ZMIZ1: variants seen among roughly 807,000 people sequenced by gnomAD.
ZMIZ1 encodes the protein zinc finger MIZ domain-containing protein 1.
Under a neutral mutation model 113.9 loss-of-function variants are expected in ZMIZ1, and 17 were observed. That is an observed-to-expected ratio of 0.15 (90% CI 0.10 to 0.22). The LOEUF (loss-of-function observed/expected upper bound fraction) is 0.22, where lower values mean the gene tolerates loss of function less well. Among genes scored for constraint, ZMIZ1 ranks in the 10% least tolerant of loss-of-function variants. The pLI is 1.00. For missense variants in ZMIZ1, 1,059 were observed against 1,477.8 expected (o/e 0.72, Z 4.65); for synonymous variants, 607 against 603.1 (o/e 1.01, Z -0.09).
chr10:79,084,936 G>A (rs543408553), intron 1 of ZMIZ1, among the ~76,000 whole-genome samples: 1 of 152,098 alleles, frequency 6.6e-6, no homozygotes, highest in Non-Finnish European at 1.5e-5. Flanking sequence ...GGCTCACTCT[G>A]GCCTGAACCT....
chr10:79,129,755 G>A (rs975818848), intron 2 of ZMIZ1, among the ~76,000 whole-genome samples: 1 of 152,220 alleles, frequency 6.6e-6, no homozygotes, highest in Non-Finnish European at 1.5e-5. Flanking sequence ...CTTGAAAGAG[G>A]GAGGGCAGAG....
intron 7 of ZMIZ1, among the ~76,000 whole-genome samples, chr10:79,258,628 T>C (rs1284778215): frequency 1.3e-5 from 2 of 152,222 alleles, no homozygotes; most frequent in African/African-American, 2.4e-5. Context: ...AGGGTCTCAG[T>C]TGGATGAGGC....
chr10:79,245,528 G>A (rs184394207), intron 7 of ZMIZ1, among the ~76,000 whole-genome samples: 6 of 152,258 alleles, frequency 3.9e-5, no homozygotes, highest in African/African-American at 7.2e-5. Context: ...GGACGGGGTC[G>A]GGGGGCAGAG....
chr10:79,086,120 G>T (rs1376038071), intron 1 of ZMIZ1, among the ~76,000 whole-genome samples: 1 of 152,106 alleles, frequency 6.6e-6, no homozygotes, highest in Non-Finnish European at 1.5e-5. Context: ...ATGTAATGTG[G>T]GTCTCACCTC....
At chr10:79,285,660 T>G (rs759531174) in intron 8 of ZMIZ1, 56 of 445,794 alleles carry the variant, frequency 1.3e-4, no homozygotes, top group Non-Finnish European at 2.3e-4. Context: ...GGCACATTTT[T>G]TTGTTTAGCA....
intron 1 of ZMIZ1, among the ~76,000 whole-genome samples, chr10:79,110,349 C>A (rs777506953): frequency 7.2e-5 from 11 of 152,190 alleles, no homozygotes; most frequent in Non-Finnish European, 4.4e-5. Flanking sequence ...GGTGGCCACT[C>A]GGTCTGGAAG....
chr10:79,244,042 C>CGAG (rs1268289160), intron 7 of ZMIZ1, among the ~76,000 whole-genome samples: 1 of 152,244 alleles, frequency 6.6e-6, no homozygotes, highest in African/African-American at 2.4e-5. Context: ...AGACATTTTA[C>CGAG]GAGGCTCTGT....
At chr10:79,142,420 A>AGT (rs1051594107) in intron 3 of ZMIZ1, among the ~76,000 whole-genome samples, 36 of 152,004 alleles carry the variant, frequency 2.4e-4, no homozygotes, top group African/African-American at 8.0e-4. Context: ...TAGGGGAGTG[A>AGT]GTGGATAAGG....
intron 4 of ZMIZ1, among the ~76,000 whole-genome samples, chr10:79,189,021 G>T (rs780221958): frequency 6.6e-6 from 1 of 152,208 alleles, no homozygotes; most frequent in Non-Finnish European, 1.5e-5. Flanking sequence ...AGAGCACAGT[G>T]TGGCTTTTCT....
intron 7 of ZMIZ1, among the ~76,000 whole-genome samples, chr10:79,248,488 T>C (rs1447441073): frequency 6.6e-6 from 1 of 152,150 alleles, no homozygotes; most frequent in African/African-American, 2.4e-5. Context: ...CTCCTCCTGC[T>C]TCTAGGAGCA....
Position 79,186,063 on chromosome 10 carries a change from T to C in ZMIZ1, c.-49-15521T>C, listed in dbSNP as rs2132591626. On this transcript the variant is annotated intron_variant, in intron 4 of 24. Coordinates refer to ENST00000334512, the MANE Select transcript of ZMIZ1 (RefSeq NM_020338.4). ...TGGCCAGTGTTCACTTTCAGGTCCC[T>C]GGATGTTTTTGAGGGCACTGTAGAG... Among the ~76,000 whole-genome samples the C allele has an allele frequency of 1.3e-5, 2 of 152,262 alleles. 1 individual carries two copies. Among genetic ancestry groups the C allele is most frequent in the South Asian group, 4.2e-4 (2 of 4,814 alleles).
rs1855113976 is a variant in ZMIZ1, at chr10:79,311,000, A to T, written c.2912A>T (p.Gln971Leu). 1 of 1,613,832 alleles carries T rather than the reference A, an allele frequency of 6.2e-7. No homozygotes were observed. The highest frequency in any genetic ancestry group is 2.2e-5 in the East Asian group (1 of 44,846). The change falls in exon 24 of 25, where the codon CAG becomes CTG. Residue 971 changes from glutamine (Q) to leucine (L), a missense_variant. This residue lies in a region of ZMIZ1 where 225 missense variants were observed against 276.0 expected (regional missense o/e 0.82). Coordinates refer to ENST00000334512, the MANE Select transcript of ZMIZ1 (RefSeq NM_020338.4). Reference protein sequence around the residue: ...QGLHVPHPSSQSGPPLHHSGA... With the variant: ...QGLHVPHPSSLSGPPLHHSGA... ...TTGCACGTACCACACCCCAGCAGCC[A>T]GTCAGGGCCTCCATTACATCACAGT...
At chr10:79,291,573 C>T (rs1853498502) in intron 10 of ZMIZ1, among the ~76,000 whole-genome samples, 1 of 152,258 alleles carries the variant, frequency 6.6e-6, no homozygotes, top group Admixed American at 6.5e-5. Context: ...AATATCTGCT[C>T]TGCCTTGCTG....
Position 79,115,233 on chromosome 10 carries a change from T to C in ZMIZ1, c.-336-3682T>C, listed in dbSNP as rs907924283. ...GTGGAAGGCATACTCTAGTCTAGAG[T>C]TGCTTCTGATGTTAGGCTGTGACCT... is the stretch of plus-strand genomic sequence containing the variant. On this transcript the variant is annotated intron_variant, in intron 1 of 24. Coordinates refer to ENST00000334512, the MANE Select transcript of ZMIZ1 (RefSeq NM_020338.4). Among the ~76,000 whole-genome samples, 3 of 152,092 alleles carry C rather than the reference T, an allele frequency of 2.0e-5. No homozygotes were observed. In the South Asian group the frequency reaches 6.2e-4, roughly 32 times the overall value.
At chr10:79,220,789 T>C (rs1230715150) in intron 7 of ZMIZ1, among the ~76,000 whole-genome samples, 1 of 152,092 alleles carries the variant, frequency 6.6e-6, no homozygotes, top group Non-Finnish European at 1.5e-5. Context: ...TGTATGTTTG[T>C]GTTGGGGAGA....
intron 6 of ZMIZ1, 57 bp from the exon 7 acceptor site, chr10:79,216,112 A>G (rs1848718230): frequency 3.9e-6 from 5 of 1,294,418 alleles, no homozygotes; most frequent in African/African-American, 1.5e-5. Flanking sequence ...CAAAATGGGC[A>G]TATCCATTGG....
intron 7 of ZMIZ1, among the ~76,000 whole-genome samples, chr10:79,223,567 T>C (rs1397724070): frequency 6.6e-6 from 1 of 152,218 alleles, no homozygotes; most frequent in Non-Finnish European, 1.5e-5. Flanking sequence ...CAGATCTGTT[T>C]AGTGGACGAA....
chr10:79,242,608 C>G (rs1043992461), intron 7 of ZMIZ1, among the ~76,000 whole-genome samples: 3 of 151,690 alleles, frequency 2.0e-5, no homozygotes, highest in African/African-American at 4.8e-5. Context: ...TCCTCCACCC[C>G]CTCCCCGCCG....
intron 1 of ZMIZ1, among the ~76,000 whole-genome samples, chr10:79,086,528 T>C (rs1842818456): frequency 6.6e-6 from 1 of 152,208 alleles, no homozygotes; most frequent in Admixed American, 6.5e-5. Flanking sequence ...CATTTTATTT[T>C]GTAGAAACTG....
Sources: gnomAD v4.1 joint callset for allele counts (sites outside exome capture counted in the v4.1 genomes callset) on GRCh38, gnomAD v4.1.1 for gene constraint, gnomAD v4.1.1 regional missense constraint, MANE v1.5 for transcripts, NCBI Gene and HGNC (gene_info 2026-07-23, HGNC 2026-07-21) for gene names.